The following OPCML variants were observed in gnomAD, a reference collection of about 807,000 sequenced individuals.
OPCML encodes the protein opioid-binding protein/cell adhesion molecule.
In OPCML, 13 loss-of-function variants were observed where a neutral mutation model predicts 37.8. The ratio of observed to expected loss-of-function variants is 0.34; its 90% confidence interval spans 0.22 to 0.55. The LOEUF (loss-of-function observed/expected upper bound fraction) is 0.55, where lower values mean the gene tolerates loss of function less well. OPCML is among the 20% of genes least tolerant of loss of function. OPCML has a pLI of 0.91. For missense variants in OPCML, 341 were observed against 435.6 expected, an observed-to-expected ratio of 0.78 and a Z score of 1.93; for synonymous variants, 176 against 168.8, an observed-to-expected ratio of 1.04 and a Z score of -0.33.
At chr11:132,499,250 A>C (rs1327350869) in intron 4 of OPCML, among the ~76,000 whole-genome samples, 1 of 152,210 alleles carries the variant, frequency 6.6e-6, no homozygotes, top group Non-Finnish European at 1.5e-5. Flanking sequence ...CACCATGCAA[A>C]GAGCAGAGGA....
In OPCML at chr11:132,568,047, C is replaced by T. The variant is rs939792509; in HGVS notation, c.380-38861G>A. ...ATCTGTGTGTGTGTGTGTGTGCGCG[C>T]GCGCGCGTGTGTGTGTGTGTGTTTG... On this transcript the variant is annotated intron_variant, in intron 3 of 7. Coordinates refer to ENST00000524381, the MANE Select transcript of OPCML (RefSeq NM_001012393.5). Among the ~76,000 whole-genome samples the T allele has an allele frequency of 1.8e-4, 26 of 148,520 alleles. No homozygotes were observed. The South Asian group carries it at 4.1e-3, about 23-fold the overall frequency.
At chr11:132,758,133 G>T (rs560006258) in intron 2 of OPCML, among the ~76,000 whole-genome samples, 3 of 151,984 alleles carry the variant, frequency 2.0e-5, no homozygotes, top group South Asian at 2.1e-4. Context: ...ATTTCTGAGG[G>T]CTCTGTTCTG....
intron 1 of OPCML, among the ~76,000 whole-genome samples, chr11:133,258,080 C>G (rs1941375734): frequency 6.6e-6 from 1 of 152,182 alleles, no homozygotes; most frequent in African/African-American, 2.4e-5. Flanking sequence ...TCTTCTCTTG[C>G]TGGCATGACA....
At chr11:132,484,422 G>A (rs2096192454) in intron 4 of OPCML, among the ~76,000 whole-genome samples, 1 of 152,182 alleles carries the variant, frequency 6.6e-6, no homozygotes, top group Admixed American at 6.5e-5. Context: ...GAAACAACAG[G>A]TGCTGGAGAG....
rs113827307 is a variant in OPCML, at chr11:132,465,607, A to C, written c.506-28248T>G. On this transcript the variant is annotated intron_variant, in intron 4 of 7. Transcript: ENST00000524381. The stretch of plus-strand genomic sequence containing the variant: ...TTGTGTATAGCATCTTTTTTCTTAC[A>C]GATATTATGAATATTTTCTTCCAGA... 2.0e-5 allele frequency among the ~76,000 whole-genome samples: 3 copies of C among 151,834 alleles called. 1 individual carries two copies. Among genetic ancestry groups the C allele is most frequent in the African/African-American group, 7.2e-5 (3 of 41,420 alleles).
At chr11:132,629,713 C>T (rs1023528925) in intron 3 of OPCML, among the ~76,000 whole-genome samples, 10 of 152,072 alleles carry the variant, frequency 6.6e-5, no homozygotes, top group Admixed American at 1.3e-4. Context: ...TTATGATACT[C>T]TGTCATCTTT....
chr11:133,307,145 A>C (rs1942941757), intron 1 of OPCML, among the ~76,000 whole-genome samples: 2 of 152,056 alleles, frequency 1.3e-5, no homozygotes, highest in Non-Finnish European at 2.9e-5. Flanking sequence ...GCACTTCACA[A>C]CATTTATACA....
chr11:132,648,611 C>T (rs1221978184), intron 3 of OPCML, among the ~76,000 whole-genome samples: 1 of 151,850 alleles, frequency 6.6e-6, no homozygotes, highest in Admixed American at 6.6e-5. Flanking sequence ...CCTCCGCCTC[C>T]CTGCTTCAGC....
intron 1 of OPCML, among the ~76,000 whole-genome samples, chr11:133,050,076 C>T (rs1213212453): frequency 6.6e-6 from 1 of 152,214 alleles, no homozygotes. Context: ...GAGCTTAGCC[C>T]TTCCCTGAGG....
At chr11:132,703,131 A>G (rs1943896337) in intron 2 of OPCML, among the ~76,000 whole-genome samples, 1 of 152,020 alleles carries the variant, frequency 6.6e-6, no homozygotes, top group Non-Finnish European at 1.5e-5. Context: ...TTGTTAGGTG[A>G]TTTTGTTGTG....
intron 1 of OPCML, among the ~76,000 whole-genome samples, chr11:133,319,653 A>G (rs1943284101): frequency 6.6e-6 from 1 of 152,172 alleles, no homozygotes; most frequent in Non-Finnish European, 1.5e-5. Flanking sequence ...CACATCTTCA[A>G]TGGCTGTAAG....
At chr11:132,549,458 T>C (rs887848848) in intron 3 of OPCML, among the ~76,000 whole-genome samples, 1 of 152,254 alleles carries the variant, frequency 6.6e-6, no homozygotes, top group Admixed American at 6.5e-5. Context: ...GCTCTGCCAA[T>C]GGAGTGGTCA....
At chr11:133,284,539 G>C (rs1942245920) in intron 1 of OPCML, among the ~76,000 whole-genome samples, 1 of 152,174 alleles carries the variant, frequency 6.6e-6, no homozygotes, top group Non-Finnish European at 1.5e-5. Flanking sequence ...GGGAAGGGCG[G>C]CAACAAATGG....
intron 1 of OPCML, among the ~76,000 whole-genome samples, chr11:133,159,820 CCCACAGA>C (rs1406615689): frequency 6.6e-6 from 1 of 152,202 alleles, no homozygotes; most frequent in Non-Finnish European, 1.5e-5. Flanking sequence ...AGCATCACAG[CCCACAGA>C]GCCCCAGGGC....
intron 2 of OPCML, among the ~76,000 whole-genome samples, chr11:132,898,241 G>C (rs903915719): frequency 6.6e-6 from 1 of 152,168 alleles, no homozygotes; most frequent in African/African-American, 2.4e-5. Flanking sequence ...GATTACATTG[G>C]ATGGCTTCCA....
rs552208094 is a variant in OPCML at position 133,276,194 on chromosome 11, G to A, written c.61+256070C>T. 9.2e-5 allele frequency among the ~76,000 whole-genome samples: 14 copies of A among 152,222 alleles called. No homozygotes were observed. The South Asian group carries it at 1.0e-3, about 11-fold the overall frequency. ...GGGAAAATGAGGGAAAGATAGAATC[G>A]CTGGGTTTCTTTGTTTCTTTCTTCT... On this transcript the variant is annotated intron_variant, in intron 1 of 7. Coordinates refer to ENST00000524381, the MANE Select transcript of OPCML (RefSeq NM_001012393.5).
rs192022786 is a variant in OPCML, at chr11:132,697,667, C to T, written c.147-40348G>A. The stretch of plus-strand genomic sequence containing the variant: ...ATAGAACACGTTCTTTATCCATTCA[C>T]CCATCAGTGGATGCTTATGTGGATT... On this transcript the variant is annotated intron_variant, in intron 2 of 7. Transcript: ENST00000524381. Among the ~76,000 whole-genome samples the T allele has an allele frequency of 2.5e-3, 378 of 152,268 alleles. 3 individuals carry two copies. Among genetic ancestry groups the T allele is most frequent in the South Asian group, 5.4e-3 (26 of 4,828 alleles).
chr11:133,271,679 C>T (rs1335265309), intron 1 of OPCML, among the ~76,000 whole-genome samples: 1 of 152,304 alleles, frequency 6.6e-6, no homozygotes, highest in East Asian at 1.9e-4. Flanking sequence ...AACCAATATT[C>T]TCACCCCTAT....
intron 3 of OPCML, among the ~76,000 whole-genome samples, chr11:132,622,751 C>A (rs1304069040): frequency 6.6e-6 from 1 of 152,176 alleles, no homozygotes; most frequent in African/African-American, 2.4e-5. Context: ...CTCCAAGGTA[C>A]CACATTGCGC....
Sources: gnomAD v4.1 joint callset for allele counts (sites outside exome capture counted in the v4.1 genomes callset) on GRCh38, gnomAD v4.1.1 for gene constraint, MANE v1.5 for transcripts, NCBI Gene and HGNC (gene_info 2026-07-23, HGNC 2026-07-21) for gene names.